PPP1R3B: variants seen among roughly 807,000 people sequenced by gnomAD.
The protein encoded by PPP1R3B is PP1 subunit R4.
In PPP1R3B, 8 loss-of-function variants were observed where a neutral mutation model predicts 14.6. The ratio of observed to expected loss-of-function variants is 0.55; its 90% CI spans 0.32 to 0.99. The LOEUF (loss-of-function observed/expected upper bound fraction) is 0.99. Ranked by LOEUF, PPP1R3B falls within the 50% of genes least tolerant of loss-of-function variation. PPP1R3B has a pLI of 0.04. For missense variants in PPP1R3B, 452 were observed against 360.1 expected, an observed-to-expected ratio of 1.26 and a Z score of -2.07; for synonymous variants, 169 against 142.0, an observed-to-expected ratio of 1.19 and a Z score of -1.35.
intron 1 of PPP1R3B, among the ~76,000 whole-genome samples, chr8:9,149,711 T>G (rs1480171231): frequency 6.6e-6 from 1 of 152,244 alleles, no homozygotes; most frequent in Non-Finnish European, 1.5e-5. Context: ...AGAGTGCATG[T>G]CTTTCCCCTT....
At chr8:9,147,611 T>C (rs1472635270) in intron 1 of PPP1R3B, among the ~76,000 whole-genome samples, 1 of 152,016 alleles carries the variant, frequency 6.6e-6, no homozygotes, top group Non-Finnish European at 1.5e-5. Flanking sequence ...CTAGAGCCAA[T>C]GTCCCAAGTT....
At chr8:9,141,763 C>T (rs1168539929) in intron 1 of PPP1R3B, 95 bp from the exon 2 acceptor site, 12 of 1,236,450 alleles carry the variant, frequency 9.7e-6, no homozygotes, top group Non-Finnish European at 1.3e-5. Flanking sequence ...GACTGGCAAA[C>T]AATATTTCCT....
At chr8:9,141,995 G>C (rs1001871179) in intron 1 of PPP1R3B, among the ~76,000 whole-genome samples, 1 of 152,186 alleles carries the variant, frequency 6.6e-6, no homozygotes, top group Non-Finnish European at 1.5e-5. Context: ...TGGCAAATGT[G>C]CCACAGAGGA....
At position 9,137,465 on chromosome 8, in the gene PPP1R3B, C is replaced by G. The variant is rs1281734746; in HGVS notation, c.*3329G>C. 1.3e-5 allele frequency: 2 copies of G among 152,150 alleles called. No individual in the cohort carries two copies. The highest frequency in any genetic ancestry group is 1.9e-4 in the East Asian group (1 of 5,184). The allele number at this position is 152,150 out of a possible 1,614,324, so 9.4% of individuals were successfully genotyped here. A position where few individuals can be genotyped will look rare whatever the true frequency, so the allele number is the denominator to read the frequency against. ...GCTGTCTGAAGGCAAATCTACAAGT[C>G]AAGGTGCAGTGAAGTCTCCAAGTAA... On this transcript the variant is annotated 3_prime_UTR_variant, in exon 2 of 2. Transcript: ENST00000310455.
intron 1 of PPP1R3B, chr8:9,145,543 C>T (rs1239177963): frequency 1.3e-5 from 2 of 152,018 alleles, no homozygotes; most frequent in Non-Finnish European, 2.9e-5. Context: ...AGACTCTGGT[C>T]AACAGTAAGC....
At position 9,141,321 on chromosome 8, in the gene PPP1R3B, C is replaced by A. The variant is rs995040521; in HGVS notation, c.331G>T (p.Val111Phe). The change falls in exon 2 of 2, where the codon GTT becomes TTT. Residue 111 changes from valine (V) to phenylalanine (F), a missense_variant. By Grantham distance (50) the Val-to-Phe change is conservative (BLOSUM62 -1). Coordinates refer to ENST00000310455, the MANE Select transcript of PPP1R3B (RefSeq NM_024607.4). ...SLTTAESESF[V>F]LDFSQPSADY... ...GCAGAGGGCTGGGAAAAATCCAGAACAAAGCTCTCGCTCTCTGCTGTCGTC... is the reference window on the plus strand; with the variant it reads ...GCAGAGGGCTGGGAAAAATCCAGAAAAAAGCTCTCGCTCTCTGCTGTCGTC... The A allele has an allele frequency of 6.2e-7, 1 of 1,614,046 alleles. No homozygotes were observed. Among genetic ancestry groups the A allele is most frequent in the African/African-American group, 1.3e-5 (1 of 74,918 alleles).
intron 1 of PPP1R3B, among the ~76,000 whole-genome samples, chr8:9,146,734 G>A (rs1412621803): frequency 1.3e-5 from 2 of 151,946 alleles, no homozygotes; most frequent in Non-Finnish European, 2.9e-5. Context: ...AAAATTTTAA[G>A]GGCAAATTTG....
intron 1 of PPP1R3B, among the ~76,000 whole-genome samples, chr8:9,150,119 C>T (rs1801373901): frequency 6.6e-6 from 1 of 152,196 alleles, no homozygotes; most frequent in Non-Finnish European, 1.5e-5. Flanking sequence ...AGTTTTGGCT[C>T]CTGGACAACT....
chr8:9,149,031 CAA>C (rs879335595), intron 1 of PPP1R3B, among the ~76,000 whole-genome samples: 1 of 129,670 alleles, frequency 7.7e-6, no homozygotes, highest in African/African-American at 2.9e-5. Context: ...ACTAAAAATA[CAA>C]AAAAAAAAAA....
Position 9,136,770 on chromosome 8 carries a change from G to C in PPP1R3B, c.*4024C>G, listed in dbSNP as rs963624854. On this transcript the variant is annotated 3_prime_UTR_variant, in exon 2 of 2. Coordinates refer to ENST00000310455, the MANE Select transcript of PPP1R3B (RefSeq NM_024607.4). Reference sequence around the variant, plus strand: ...TCAGTGAACATGTCAGGAGAGACGTGATCGGGACTCTCCCAGGACTACATT... The same window carrying C: ...TCAGTGAACATGTCAGGAGAGACGTCATCGGGACTCTCCCAGGACTACATT... 6.6e-6 allele frequency: 1 copy of C among 152,218 alleles called. No homozygotes were observed. The highest frequency in any genetic ancestry group is 1.5e-5 in the Non-Finnish European group (1 of 68,044). 9.4% of individuals were successfully genotyped at this position (152,218 alleles called of 1,614,324 possible). A position where few individuals can be genotyped will look rare whatever the true frequency, so the allele number is the denominator to read the frequency against.
At chr8:9,145,193 T>C (rs1801202834) in intron 1 of PPP1R3B, 1 of 152,124 alleles carries the variant, frequency 6.6e-6, no homozygotes, top group Non-Finnish European at 1.5e-5. Context: ...ACATAGAAAC[T>C]AGACTTGTGG....
Position 9,138,141 on chromosome 8 carries a change from T to C in PPP1R3B, c.*2653A>G, listed in dbSNP as rs1800951687. ...GGGGAGGGCACTTCTTAAGGCAAAG[T>C]AAAATTCAGGACCTGCATGAAATCA... On this transcript the variant is annotated 3_prime_UTR_variant, in exon 2 of 2. Transcript: ENST00000310455. The C allele has an allele frequency of 6.6e-6, 1 of 152,136 alleles. No individual in the cohort carries two copies. The highest frequency in any genetic ancestry group is 6.5e-5 in the Admixed American group (1 of 15,282). 9.4% of individuals were successfully genotyped at this position (152,136 alleles called of 1,614,324 possible). A position where few individuals can be genotyped will look rare whatever the true frequency, so the allele number is the denominator to read the frequency against.
intron 1 of PPP1R3B, among the ~76,000 whole-genome samples, chr8:9,146,919 CTG>C (rs945857834): frequency 1.3e-5 from 2 of 151,992 alleles, no homozygotes; most frequent in African/African-American, 4.8e-5. Context: ...CTTTGCAAAA[CTG>C]TGCTGGAATT....
chr8:9,142,064 T>C (rs550407316), intron 1 of PPP1R3B, among the ~76,000 whole-genome samples: 86 of 152,308 alleles, frequency 5.6e-4, no homozygotes, highest in Non-Finnish European at 1.0e-3. Context: ...ACTAAAAGGG[T>C]GTCTTCCACA....
At chr8:9,151,164 C>T (rs1431708171), upstream of PPP1R3B, among the ~76,000 whole-genome samples, 2 of 152,210 alleles carry the variant, frequency 1.3e-5, no homozygotes, top group Admixed American at 6.5e-5. Context: ...CTGGATCGCC[C>T]TCTCCACGCT....
rs532989260 is a variant in PPP1R3B, at chr8:9,143,034, T to C, written c.-17-1366A>G. 2.0e-5 allele frequency among the ~76,000 whole-genome samples: 3 copies of C among 152,332 alleles called. No homozygotes were observed. In the East Asian group the frequency reaches 5.8e-4, roughly 29 times the overall value. The stretch of plus-strand genomic sequence containing the variant: ...TTTGGATATATGTCCTGCAGTGGGA[T>C]TGCCGGGTCATATAGTAGTTCTAGT... On this transcript the variant is annotated intron_variant, in intron 1 of 1. Transcript: ENST00000310455.
At position 9,138,700 on chromosome 8, in the gene PPP1R3B, T is replaced by G. The variant is rs558076825; in HGVS notation, c.*2094A>C. The G allele has an allele frequency of 6.6e-6, 1 of 152,232 alleles. No individual in the cohort carries two copies. The highest frequency in any genetic ancestry group is 1.5e-5 in the Non-Finnish European group (1 of 68,048). The allele number at this position is 152,232 out of a possible 1,614,324, so 9.4% of individuals were successfully genotyped here. A position where few individuals can be genotyped will look rare whatever the true frequency, so the allele number is the denominator to read the frequency against. ...CCAGGCAACTGTGCTTCCACTCCTC[T>G]TCTTGCTTGCCTTAGGAAAACTTCA... On this transcript the variant is annotated 3_prime_UTR_variant, in exon 2 of 2. Transcript: ENST00000310455.
At chr8:9,141,836 G>T in intron 1 of PPP1R3B, 168 bp from the exon 2 acceptor site, 2 of 271,016 alleles carry the variant, frequency 7.4e-6, no homozygotes, top group Non-Finnish European at 1.4e-5. Context: ...CACAACATGC[G>T]TTTGAGAGAA....
In PPP1R3B at chr8:9,140,737, G is replaced by C; in HGVS notation, c.*57C>G. The C allele has an allele frequency of 6.3e-7, 1 of 1,579,998 alleles. No individual in the cohort carries two copies. The highest frequency in any genetic ancestry group is 8.6e-7 in the Non-Finnish European group (1 of 1,159,604). On this transcript the variant is annotated 3_prime_UTR_variant, in exon 2 of 2. Transcript: ENST00000310455. ...CCTGGCCTTCCATCTCCACTGCACA[G>C]TGAGCAGAGCTAGGCTTGTCTGTGG... is the stretch of plus-strand genomic sequence containing the variant.
Sources: allele counts gnomAD v4.1 joint callset (sites outside exome capture counted in the v4.1 genomes callset), GRCh38; gene constraint gnomAD v4.1.1; transcripts MANE v1.5; gene names NCBI Gene and HGNC (gene_info 2026-07-23, HGNC 2026-07-21).